INPP4B: variants seen among roughly 807,000 people sequenced by gnomAD.
INPP4B encodes the protein inositol polyphosphate 4-phosphatase type II.
A neutral mutation model predicts 122.5 loss-of-function variants in INPP4B; 55 were observed. The ratio of observed to expected loss-of-function variants is 0.45; its 90% CI spans 0.36 to 0.56. The LOEUF is 0.56. Ranked by LOEUF, INPP4B falls within the 20% of genes least tolerant of loss-of-function variation. The pLI, the probability that INPP4B is intolerant of heterozygous loss-of-function variation, is 0.00. For synonymous variants in INPP4B, 403 were observed against 388.7 expected, an observed-to-expected ratio of 1.04 and a Z score of -0.43; for missense variants, 1,000 against 1,097.7, an observed-to-expected ratio of 0.91 and a Z score of 1.26.
chr4:142,244,601 C>CA (rs1726946259), intron 11 of INPP4B, among the ~76,000 whole-genome samples: 1 of 151,764 alleles, frequency 6.6e-6, no homozygotes, highest in Non-Finnish European at 1.5e-5. Flanking sequence ...CCATGCCCAG[C>CA]CCACATTTTC....
chr4:142,098,156 T>C (rs1782808272), intron 23 of INPP4B, among the ~76,000 whole-genome samples: 2 of 152,118 alleles, frequency 1.3e-5, no homozygotes, highest in East Asian at 1.9e-4. Context: ...GCATTTAAGA[T>C]AGGGCATAGA....
chr4:142,488,701 T>C (rs1184821148), intron 2 of INPP4B, among the ~76,000 whole-genome samples: 1 of 152,132 alleles, frequency 6.6e-6, no homozygotes, highest in Non-Finnish European at 1.5e-5. Flanking sequence ...ACTCCCTATA[T>C]TCCTCTTAAT....
At chr4:142,387,402 A>G (rs1796290126) in intron 7 of INPP4B, among the ~76,000 whole-genome samples, 1 of 151,962 alleles carries the variant, frequency 6.6e-6, no homozygotes, top group Admixed American at 6.6e-5. Flanking sequence ...GCAAAGTCTT[A>G]CAGAAAGGGT....
chr4:142,119,896 G>A (rs1270312854), intron 21 of INPP4B, among the ~76,000 whole-genome samples: 1 of 115,138 alleles, frequency 8.7e-6, no homozygotes, highest in African/African-American at 3.6e-5. Context: ...ATATATACGT[G>A]TGTATATATA....
chr4:142,090,565 A>G (rs1240762076), intron 23 of INPP4B, among the ~76,000 whole-genome samples: 1 of 152,132 alleles, frequency 6.6e-6, no homozygotes, highest in Admixed American at 6.6e-5. Context: ...CAGAACGTGA[A>G]TTGGTTTTAG....
intron 21 of INPP4B, among the ~76,000 whole-genome samples, chr4:142,120,162 T>C (rs1173294239): frequency 2.6e-5 from 4 of 151,940 alleles, no homozygotes; most frequent in African/African-American, 7.3e-5. Context: ...TTAAAGATAA[T>C]AGTTTATTTC....
chr4:142,298,304 G>A (rs994849771), intron 9 of INPP4B, among the ~76,000 whole-genome samples: 1 of 152,108 alleles, frequency 6.6e-6, no homozygotes, highest in African/African-American at 2.4e-5. Context: ...GAAAACGGGA[G>A]GAAAAATTCT....
rs1796808875 is a variant in INPP4B, at chr4:142,122,165, T to C, written c.2098A>G (p.Lys700Glu). The C allele has an allele frequency of 6.2e-7, 1 of 1,611,962 alleles. No homozygotes were observed. Among genetic ancestry groups the C allele is most frequent in the Non-Finnish European group, 8.5e-7 (1 of 1,178,988 alleles). The change falls in exon 21 of 26, where the codon AAA becomes GAA. Residue 700 changes from lysine to glutamate, a missense_variant. By Grantham distance (56) the Lys-to-Glu change is moderately conservative. Transcript: ENST00000262992. ...KKVAFKIIEA[K>E]SNDVLPVITG... ...ATAACTGGCAACACATCATTGGATT[T>C]GGCTTCAATTATTTTAAATGCAACT... is the stretch of plus-strand genomic sequence containing the variant.
intron 18 of INPP4B, among the ~76,000 whole-genome samples, chr4:142,141,789 C>G (rs576271581): frequency 6.6e-6 from 1 of 151,954 alleles, no homozygotes; most frequent in African/African-American, 2.4e-5. Flanking sequence ...TAGCACAACC[C>G]AGATGACCAT....
chr4:142,391,759 T>C (rs1001041154), intron 7 of INPP4B, among the ~76,000 whole-genome samples: 2 of 152,196 alleles, frequency 1.3e-5, no homozygotes, highest in African/African-American at 4.8e-5. Context: ...TAGTGACTTA[T>C]AAATTCCTAA....
chr4:142,702,038 T>G (rs1761848748), intron 2 of INPP4B, among the ~76,000 whole-genome samples: 2 of 152,200 alleles, frequency 1.3e-5, no homozygotes, highest in South Asian at 4.1e-4. Flanking sequence ...ACACTGAAGC[T>G]TAGCCAAGTC....
chr4:142,838,341 A>G (rs1262407968), intron 1 of INPP4B, among the ~76,000 whole-genome samples: 2 of 151,750 alleles, frequency 1.3e-5, no homozygotes, highest in Non-Finnish European at 2.9e-5. Context: ...TCGTACATTT[A>G]TAATCAGAAA....
At chr4:142,542,922 A>G (rs986762636) in intron 2 of INPP4B, among the ~76,000 whole-genome samples, 15 of 152,128 alleles carry the variant, frequency 9.9e-5, no homozygotes, top group African/African-American at 3.4e-4. Flanking sequence ...AATCAACATC[A>G]ACCGGTTTGA....
At chr4:142,095,479 C>A (rs1406007142) in intron 23 of INPP4B, among the ~76,000 whole-genome samples, 1 of 152,146 alleles carries the variant, frequency 6.6e-6, no homozygotes, top group Non-Finnish European at 1.5e-5. Flanking sequence ...ATACTAACAA[C>A]TTCTTGTTAA....
intron 2 of INPP4B, among the ~76,000 whole-genome samples, chr4:142,602,296 G>A (rs749181697): frequency 8.6e-5 from 13 of 151,992 alleles, no homozygotes; most frequent in Non-Finnish European, 1.8e-4. Context: ...ATCCCTTCAA[G>A]CAGAAAAACA....
chr4:142,254,096 C>A (rs575187701), intron 11 of INPP4B, among the ~76,000 whole-genome samples: 1 of 152,288 alleles, frequency 6.6e-6, no homozygotes, highest in South Asian at 2.1e-4. Context: ...CAGGGGCAGA[C>A]TGACACCTCA....
intron 2 of INPP4B, among the ~76,000 whole-genome samples, chr4:142,516,776 TC>T (rs965473311): frequency 1.3e-4 from 19 of 151,638 alleles, no homozygotes; most frequent in African/African-American, 4.1e-4. Context: ...TTTTTTTTTT[TC>T]CCCCAGTCAG....
intron 3 of INPP4B, among the ~76,000 whole-genome samples, chr4:142,441,094 A>G (rs1284616984): frequency 2.6e-5 from 4 of 152,202 alleles, no homozygotes; most frequent in Non-Finnish European, 1.5e-5. Flanking sequence ...GAGAGCAGAA[A>G]GAAGCCACAT....
chr4:142,051,653 C>G (rs150076729), intron 25 of INPP4B, among the ~76,000 whole-genome samples: 22 of 152,048 alleles, frequency 1.4e-4, no homozygotes, highest in African/African-American at 4.1e-4. Flanking sequence ...ATCAGCGTTG[C>G]TCTACAAGGG....
Sources: allele counts gnomAD v4.1 joint callset (sites outside exome capture counted in the v4.1 genomes callset), GRCh38; gene constraint gnomAD v4.1.1; transcripts MANE v1.5; gene names NCBI Gene and HGNC (gene_info 2026-07-23, HGNC 2026-07-21).